The following SETD2 variants were observed in gnomAD, a reference collection of about 807,000 sequenced individuals.
The protein encoded by SETD2 is SET domain containing 2, histone lysine methyltransferase.
A neutral mutation model predicts 242.1 loss-of-function variants in SETD2; 31 were observed. The ratio of observed to expected loss-of-function variants is 0.13; its 90% CI spans 0.10 to 0.17. The LOEUF (loss-of-function observed/expected upper bound fraction) is 0.17, where lower values mean the gene tolerates loss of function less well. SETD2 is among the 10% of genes least tolerant of loss of function. The pLI is 1.00. For missense variants in SETD2, 2,481 were observed against 3,046.3 expected (o/e 0.81, Z 4.37); for synonymous variants, 1,006 against 1,066.5 (o/e 0.94, Z 1.11).
At chr3:47,143,760 G>C (rs1249709364) in intron 1 of SETD2, among the ~76,000 whole-genome samples, 2 of 151,964 alleles carry the variant, frequency 1.3e-5, no homozygotes, top group Non-Finnish European at 2.9e-5. Flanking sequence ...GCCCAGGCTG[G>C]AGTGCAGTGG....
intron 16 of SETD2, 72 bp from the exon 17 acceptor site, chr3:47,042,772 C>A (rs1020247681): frequency 7.5e-7 from 1 of 1,339,324 alleles, no homozygotes; most frequent in South Asian, 1.4e-5. Flanking sequence ...CAAAATAGCC[C>A]ACTTAAATAT....
Position 47,164,023 on chromosome 3 carries a change from CGGCGGCG to C in SETD2, c.-106_-100del. 9.7e-7 allele frequency: 1 copy of C among 1,033,582 alleles called. No individual in the cohort carries two copies. The highest frequency in any genetic ancestry group is 1.2e-6 in the Non-Finnish European group (1 of 816,930). 64.0% of individuals were successfully genotyped at this position (1,033,582 alleles called of 1,614,324 possible). The stretch of plus-strand genomic sequence containing the variant: ...GCCGCAGGTCCGACCGCGGCGGCGG[CGGCGGCG>C]GCGGCGGCGGCGGCAGGGGCGGCCC... On this transcript the variant is annotated 5_prime_UTR_variant, in exon 1 of 21. Transcript: ENST00000409792. This position sits in a 1 kb window ranked among gnomAD's most constrained non-coding sequence, Gnocchi z 5.4.
chr3:47,094,898 T>C (rs1050035170), intron 9 of SETD2, among the ~76,000 whole-genome samples: 1 of 152,128 alleles, frequency 6.6e-6, no homozygotes, highest in Non-Finnish European at 1.5e-5. Context: ...TATCCTGAAA[T>C]TGGCACACTA....
At chr3:47,048,915 C>T (rs1211139138) in intron 15 of SETD2, among the ~76,000 whole-genome samples, 1 of 152,026 alleles carries the variant, frequency 6.6e-6, no homozygotes, top group Non-Finnish European at 1.5e-5. Context: ...ATCTGCCCAC[C>T]TCAGCCTCCC....
intron 1 of SETD2, among the ~76,000 whole-genome samples, chr3:47,127,184 C>G (rs2043354000): frequency 6.6e-6 from 1 of 151,794 alleles, no homozygotes; most frequent in Non-Finnish European, 1.5e-5. Flanking sequence ...TGGTGAAACC[C>G]TGTCTCTATA....
chr3:47,049,812 A>ATATATAAACTTATTCTATGAGTTTATAT (rs1290217554), intron 15 of SETD2, among the ~76,000 whole-genome samples: 2 of 35,070 alleles, frequency 5.7e-5, no homozygotes, highest in African/African-American at 9.1e-5. Context: ...TTTATATTAT[A>ATATATAAACTTATTCTATGAGTTTATAT]TATATTATAT....
chr3:47,042,484 G>T (rs1246606684), intron 17 of SETD2, 77 bp downstream of exon 17: 1 of 1,459,300 alleles, frequency 6.9e-7, no homozygotes, highest in Non-Finnish European at 9.6e-7. Context: ...GTTTACAACT[G>T]TAAAACTCCC....
chr3:47,134,491 C>T (rs1238130796), intron 1 of SETD2, among the ~76,000 whole-genome samples: 2 of 152,154 alleles, frequency 1.3e-5, no homozygotes, highest in African/African-American at 4.8e-5. Flanking sequence ...CACACTGAGC[C>T]AATCCTTCTG....
chr3:47,115,042 G>T (rs1261922849), intron 4 of SETD2, among the ~76,000 whole-genome samples: 2 of 152,032 alleles, frequency 1.3e-5, no homozygotes, highest in African/African-American at 4.8e-5. Flanking sequence ...GGAGGGAAGA[G>T]AATTTAAGGC....
rs2106678747 is a variant in SETD2, at chr3:47,122,451, C to T, written c.2185G>A (p.Glu729Lys). Residue 729 changes from glutamate to lysine, a missense_variant, in exon 3 of 21, where the codon GAA becomes AAA. Transcript: ENST00000409792. ...NGFQNISRCK[E>K]KDLDDTCMLH... Reference sequence around the variant, plus strand: ...ATGCAGGTATCATCCAAGTCTTTTTCTTTGCACCTACTAATATTCTGAAAT... The same window carrying T: ...ATGCAGGTATCATCCAAGTCTTTTTTTTTGCACCTACTAATATTCTGAAAT... 1 of 1,614,118 alleles carries T rather than the reference C, an allele frequency of 6.2e-7. No individual in the cohort carries two copies. The highest frequency in any genetic ancestry group is 1.3e-5 in the African/African-American group (1 of 75,054).
rs184243966 is a variant in SETD2, at chr3:47,027,131, C to T, written c.7351-7291G>A. ...TGGGCAGATCACAAGGTCAGGAGAT[C>T]GAGATCATTCTGGCTAACACGGTGA... On this transcript the variant is annotated intron_variant, in intron 18 of 20. Coordinates refer to ENST00000409792, the MANE Select transcript of SETD2 (RefSeq NM_014159.7). Among the ~76,000 whole-genome samples, 495 of 151,886 alleles carry T rather than the reference C, an allele frequency of 3.3e-3. 3 individuals carry two copies. Among genetic ancestry groups the T allele is most frequent in the African/African-American group, 0.011 (460 of 41,438 alleles).
At chr3:47,154,572 T>C (rs898439739) in intron 1 of SETD2, among the ~76,000 whole-genome samples, 1 of 152,088 alleles carries the variant, frequency 6.6e-6, no homozygotes, top group Non-Finnish European at 1.5e-5. Context: ...CATTAAGTTC[T>C]TGGATATGGT....
At chr3:47,083,574 G>C (rs1278406707) in intron 12 of SETD2, 146 bp downstream of exon 12, 1 of 749,176 alleles carries the variant, frequency 1.3e-6, no homozygotes, top group Non-Finnish European at 2.2e-6. Context: ...GGATGTTTGA[G>C]ACACTTATAA....
chr3:47,124,848 C>T (rs973915905), intron 2 of SETD2, among the ~76,000 whole-genome samples: 7 of 152,198 alleles, frequency 4.6e-5, no homozygotes, highest in African/African-American at 1.7e-4. Flanking sequence ...TTCCAGGTAG[C>T]ATTTTTTAAA....
chr3:47,046,251 C>T (rs920861171), intron 16 of SETD2, among the ~76,000 whole-genome samples: 1 of 150,666 alleles, frequency 6.6e-6, no homozygotes, highest in South Asian at 2.1e-4. Context: ...GCAGGAGAAT[C>T]GCTTTAAACC....
At chr3:47,039,917 C>A (rs534540112) in intron 17 of SETD2, among the ~76,000 whole-genome samples, 1 of 151,240 alleles carries the variant, frequency 6.6e-6, no homozygotes, top group South Asian at 2.1e-4. Flanking sequence ...GGTTAAACCA[C>A]ACGTGGTTTT....
chr3:47,088,271 T>G lies in SETD2; in HGVS notation c.5143-24A>C, dbSNP rs775375463. On this transcript the variant is annotated intron_variant, in intron 9 of 20. Transcript: ENST00000409792. Reference sequence around the variant, plus strand: ...ACCTACCACAGCAAATAAAAATACCTTTTTATAAAACAACAACAACAAAAA... The same window carrying G: ...ACCTACCACAGCAAATAAAAATACCGTTTTATAAAACAACAACAACAAAAA... 5 of 1,574,446 alleles carry G rather than the reference T, an allele frequency of 3.2e-6. No individual in the cohort carries two copies. In the South Asian group the frequency reaches 4.8e-5, roughly 15 times the overall value.
intron 12 of SETD2, among the ~76,000 whole-genome samples, chr3:47,069,212 GCTACCAGA>G (rs1356779677): frequency 6.6e-6 from 1 of 152,184 alleles, no homozygotes; most frequent in Non-Finnish European, 1.5e-5. Flanking sequence ...AGGTTATGAT[GCTACCAGA>G]CAGTCTAACT....
chr3:47,057,893 G>A lies in SETD2; in HGVS notation c.6294-403C>T, dbSNP rs562736009. Among the ~76,000 whole-genome samples the A allele has an allele frequency of 3.6e-4, 55 of 152,196 alleles. 1 individual carries two copies. Among genetic ancestry groups the A allele is most frequent in the Middle Eastern group, 3.4e-3 (1 of 292 alleles). On this transcript the variant is annotated intron_variant, in intron 14 of 20. Coordinates refer to ENST00000409792, the MANE Select transcript of SETD2 (RefSeq NM_014159.7). Reference sequence around the variant, plus strand: ...TTATTGTCCCTAAATTCCACAGTACGGTTAAGCAGGAGATTAGATATGAAG... The same window carrying A: ...TTATTGTCCCTAAATTCCACAGTACAGTTAAGCAGGAGATTAGATATGAAG...
Sources: allele counts gnomAD v4.1 joint callset (sites outside exome capture counted in the v4.1 genomes callset), GRCh38; gene constraint gnomAD v4.1.1; non-coding constraint Gnocchi (gnomAD v3.1); transcripts MANE v1.5; gene names NCBI Gene and HGNC (gene_info 2026-07-23, HGNC 2026-07-21).